CNTN5: variants seen among roughly 807,000 people sequenced by gnomAD.
CNTN5 encodes contactin 5, also known as contactin-5.
CNTN5 carries 77 observed loss-of-function variants against 129.1 expected under a neutral mutation model. That is an observed-to-expected ratio of 0.60 (90% confidence interval 0.50 to 0.72). The LOEUF is 0.72. Among genes scored for constraint, CNTN5 ranks in the 30% least tolerant of loss-of-function variants. The probability of loss-of-function intolerance (pLI) is 0.00; values close to 1 mark genes in which losing one functional copy is unlikely to be tolerated. For missense variants in CNTN5, 1,478 were observed against 1,328.8 expected, an observed-to-expected ratio of 1.11 and a Z score of -1.75; for synonymous variants, 509 against 465.6, an observed-to-expected ratio of 1.09 and a Z score of -1.20.
chr11:99,040,712 G>A (rs769204681), intron 1 of CNTN5, among the ~76,000 whole-genome samples: 1 of 152,042 alleles, frequency 6.6e-6, no homozygotes, highest in Non-Finnish European at 1.5e-5. Flanking sequence ...TATTAGTAGT[G>A]TTTCAACCTT....
chr11:99,422,632 CAAAG>C (rs1283277061), intron 2 of CNTN5, among the ~76,000 whole-genome samples: 2 of 147,016 alleles, frequency 1.4e-5, no homozygotes, highest in African/African-American at 5.0e-5. Context: ...GTATGTAAAA[CAAAG>C]AGAGTGTAGA....
In CNTN5 at chr11:100,191,216, T is replaced by C. The variant is rs765859953; in HGVS notation, c.1671T>C (p.Phe557=). Residue 557 remains phenylalanine, a synonymous_variant, in exon 14 of 25, where the codon TTT becomes TTC. Coordinates refer to ENST00000524871, the MANE Select transcript of CNTN5 (RefSeq NM_014361.4). The stretch of plus-strand genomic sequence containing the variant: ...ACGTTTGCCGAGGGGAAAACGTCTT[T>C]GGTTCTGCTGAAATTATAGCTTCGC... ...GKYVCRGENV[F]GSAEIIASLS... 1.2e-6 allele frequency: 2 copies of C among 1,612,834 alleles called. No homozygotes were observed. The highest frequency in any genetic ancestry group is 1.7e-5 in the Admixed American group (1 of 59,884).
intron 16 of CNTN5, among the ~76,000 whole-genome samples, chr11:100,245,300 A>G (rs997564271): frequency 4.6e-5 from 7 of 152,162 alleles, no homozygotes; most frequent in African/African-American, 1.7e-4. Flanking sequence ...GAGCTAGTGT[A>G]TTTCTCCCAA....
chr11:99,262,383 A>T (rs1224700830), intron 1 of CNTN5, among the ~76,000 whole-genome samples: 5 of 152,110 alleles, frequency 3.3e-5, no homozygotes, highest in Non-Finnish European at 7.4e-5. Flanking sequence ...GATGATAATT[A>T]TTATGATAGT....
rs566879919 is a variant in CNTN5 at position 99,717,108 on chromosome 11, C to A, written c.56-102436C>A. Among the ~76,000 whole-genome samples, 132 of 151,994 alleles carry A rather than the reference C, an allele frequency of 8.7e-4. 1 individual carries two copies. Among genetic ancestry groups the A allele is most frequent in the Admixed American group, 1.1e-3 (17 of 15,236 alleles). On this transcript the variant is annotated intron_variant, in intron 3 of 24. Transcript: ENST00000524871. ...ACCCACAAATTGTATATTGTATATACAGTATATTTTATTTGCTATTTTCAG... is the reference window on the plus strand; with the variant it reads ...ACCCACAAATTGTATATTGTATATAAAGTATATTTTATTTGCTATTTTCAG...
At chr11:99,891,529 G>C (rs1390055543) in intron 6 of CNTN5, among the ~76,000 whole-genome samples, 1 of 151,770 alleles carries the variant, frequency 6.6e-6, no homozygotes. Flanking sequence ...CCCTCTCTGT[G>C]TCCATGTGTT....
At chr11:99,238,765 A>T (rs1354982120) in intron 1 of CNTN5, among the ~76,000 whole-genome samples, 1 of 152,170 alleles carries the variant, frequency 6.6e-6, no homozygotes, top group African/African-American at 2.4e-5. Flanking sequence ...CAAGTGCATG[A>T]TCTGCATCTC....
At chr11:99,816,595 G>A (rs79052480) in intron 3 of CNTN5, among the ~76,000 whole-genome samples, 7,238 of 152,052 alleles carry the variant, frequency 0.048, 256 homozygotes, top group Middle Eastern at 0.089. Context: ...ATTCCCATAC[G>A]TATTATCTCC....
At chr11:99,790,626 T>C (rs1335709244) in intron 3 of CNTN5, among the ~76,000 whole-genome samples, 2 of 152,120 alleles carry the variant, frequency 1.3e-5, no homozygotes, top group Non-Finnish European at 2.9e-5. Context: ...ATTGCTATGA[T>C]GAATATACAC....
chr11:99,779,714 A>G (rs1945247325), intron 3 of CNTN5, among the ~76,000 whole-genome samples: 1 of 152,066 alleles, frequency 6.6e-6, no homozygotes, highest in South Asian at 2.1e-4. Context: ...TTAAAAAAGT[A>G]TCTTGTAGCA....
At chr11:100,193,015 A>G (rs1948536053) in intron 14 of CNTN5, among the ~76,000 whole-genome samples, 1 of 151,982 alleles carries the variant, frequency 6.6e-6, no homozygotes, top group Admixed American at 6.6e-5. Flanking sequence ...CTCTGTTAAG[A>G]TAGTTATTTG....
At chr11:99,110,919 T>A (rs927279470) in intron 1 of CNTN5, among the ~76,000 whole-genome samples, 1 of 152,182 alleles carries the variant, frequency 6.6e-6, no homozygotes, top group Non-Finnish European at 1.5e-5. Context: ...TTTGTTTTTA[T>A]TTTTTCTTAA....
At chr11:99,357,909 C>G (rs953944319) in intron 2 of CNTN5, among the ~76,000 whole-genome samples, 1 of 150,968 alleles carries the variant, frequency 6.6e-6, no homozygotes, top group Non-Finnish European at 1.5e-5. Flanking sequence ...GAGGCCGAGG[C>G]AGGAGAACTG....
At chr11:100,337,964 A>G (rs1401574356) in intron 21 of CNTN5, among the ~76,000 whole-genome samples, 1 of 152,236 alleles carries the variant, frequency 6.6e-6, no homozygotes, top group East Asian at 1.9e-4. Flanking sequence ...CCATAAGTCA[A>G]TTTGTCCCAG....
chr11:99,082,393 C>T (rs558984824), intron 1 of CNTN5, among the ~76,000 whole-genome samples: 1 of 152,152 alleles, frequency 6.6e-6, no homozygotes, highest in South Asian at 2.1e-4. Context: ...CCATGTTGGC[C>T]AGGGTGGTCT....
intron 2 of CNTN5, among the ~76,000 whole-genome samples, chr11:99,371,582 G>A (rs370186106): frequency 2.8e-4 from 43 of 152,156 alleles, no homozygotes; most frequent in African/African-American, 8.7e-4. Flanking sequence ...AGAATTAAAC[G>A]TATTTGATGG....
intron 2 of CNTN5, among the ~76,000 whole-genome samples, chr11:99,542,473 A>G (rs1159079417): frequency 6.6e-6 from 1 of 152,190 alleles, no homozygotes; most frequent in African/African-American, 2.4e-5. Context: ...CCATTGAGGA[A>G]GGCTGAATAT....
chr11:99,638,315 G>T (rs1476646194), intron 3 of CNTN5, among the ~76,000 whole-genome samples: 1 of 152,070 alleles, frequency 6.6e-6, no homozygotes, highest in East Asian at 1.9e-4. Flanking sequence ...TCCACAACAT[G>T]TGGGAATTCT....
chr11:99,958,124 G>A (rs1286975874), intron 8 of CNTN5, among the ~76,000 whole-genome samples: 2 of 152,130 alleles, frequency 1.3e-5, no homozygotes, highest in Non-Finnish European at 2.9e-5. Flanking sequence ...CTCACAGTTA[G>A]GTAACGGCAT....
Sources: gnomAD v4.1 joint callset for allele counts (sites outside exome capture counted in the v4.1 genomes callset) on GRCh38, gnomAD v4.1.1 for gene constraint, MANE v1.5 for transcripts, NCBI Gene and HGNC (gene_info 2026-07-23, HGNC 2026-07-21) for gene names.